Variants in HIVEP2 observed in about 807,000 individuals in gnomAD.
The protein encoded by HIVEP2 is transcription factor HIVEP2.
Under a neutral mutation model 180.7 loss-of-function variants are expected in HIVEP2, and 14 were observed. The ratio of observed to expected loss-of-function variants is 0.08; its 90% CI spans 0.05 to 0.12. The LOEUF is 0.12. Ranked by LOEUF, HIVEP2 falls within the 10% of genes least tolerant of loss-of-function variation. The pLI is 1.00. For synonymous variants in HIVEP2, 1,184 were observed against 1,136.4 expected (o/e 1.04, Z -0.84); for missense variants, 2,579 against 3,008.5 (o/e 0.86, Z 3.34).
intron 9 of HIVEP2, among the ~76,000 whole-genome samples, chr6:142,758,677 G>A (rs955548996): frequency 3.3e-5 from 5 of 151,980 alleles, no homozygotes; most frequent in Non-Finnish European, 7.4e-5. Flanking sequence ...CTACTGAGCC[G>A]TGGAATTAGG....
Position 142,774,433 on chromosome 6 carries a change from C to A in HIVEP2, c.306G>T (p.Gln102His), listed in dbSNP as rs757891258. The change falls in exon 5 of 10, where the codon CAG becomes CAT. Residue 102 changes from glutamine to histidine, a missense_variant. By Grantham distance (24) the Gln-to-His change is conservative (BLOSUM62 0). Transcript: ENST00000367603. The surrounding 1 kb of genome is among the most constrained non-coding windows in gnomAD (Gnocchi z 5.1). ...YSCQHSLSFP[Q>H]HSLPQGVMHS... ...GCATGACCCCCTGTGGCAATGAGTG[C>A]TGAGGGAAAGAGAGTGAGTGTTGGC... The A allele has an allele frequency of 6.2e-7, 1 of 1,614,132 alleles. No individual in the cohort carries two copies. The highest frequency in any genetic ancestry group is 1.1e-5 in the South Asian group (1 of 91,080).
intron 9 of HIVEP2, among the ~76,000 whole-genome samples, chr6:142,754,243 A>G (rs1051143090): frequency 2.6e-5 from 4 of 151,922 alleles, no homozygotes; most frequent in Non-Finnish European, 5.9e-5. Context: ...CACAAGAGAT[A>G]ATGAAAAGAA....
Position 142,753,724 on chromosome 6 carries a change from G to T in HIVEP2, c.6724C>A (p.Pro2242Thr). 1 of 1,614,182 alleles carries T rather than the reference G, an allele frequency of 6.2e-7. No homozygotes were observed. Among genetic ancestry groups the T allele is most frequent in the East Asian group, 2.2e-5 (1 of 44,878 alleles). The change falls in exon 10 of 10, where the codon CCA becomes ACA. Residue 2242 changes from proline (P) to threonine (T), a missense_variant. Transcript: ENST00000367603. ...GAAGGATGTAAACTGGAAAGGGCTG[G>T]CGGCATGGAGTGAACCATCTGGATC... ...GGIQMVHSMP[P>T]ALSSLHPSPT...
intron 5 of HIVEP2, among the ~76,000 whole-genome samples, chr6:142,769,207 C>A (rs541869055): frequency 1.3e-5 from 2 of 152,236 alleles, no homozygotes; most frequent in Admixed American, 6.5e-5. Flanking sequence ...GAATTCCTCA[C>A]ATCCAGAGAA....
intron 1 of HIVEP2, among the ~76,000 whole-genome samples, chr6:142,889,369 G>A (rs1266851444): frequency 6.6e-6 from 1 of 151,980 alleles, no homozygotes; most frequent in African/African-American, 2.4e-5. Flanking sequence ...AAGCAGAGGC[G>A]GTAAGATCAC....
In HIVEP2 at chr6:142,945,114, CGCCG is replaced by C. The variant is rs1476896112; in HGVS notation, c.-660_-657del. ...CCCCCGCTACCTGACAACGGGCCGC[CGCCG>C]GCCGCCGCAGCCGCAGCGGTGGCCG... On this transcript the variant is annotated 5_prime_UTR_variant, in exon 1 of 10. It removes the in-frame stop codon of an upstream open reading frame in the 5' UTR. Coordinates refer to ENST00000367603, the MANE Select transcript of HIVEP2 (RefSeq NM_006734.4). The surrounding 1 kb of genome is among the most constrained non-coding windows in gnomAD (Gnocchi z 5.5). 1.3e-5 allele frequency: 2 copies of C among 148,196 alleles called. No individual in the cohort carries two copies. Among genetic ancestry groups the C allele is most frequent in the African/African-American group, 2.4e-5 (1 of 40,938 alleles). 9.2% of individuals were successfully genotyped at this position (148,196 alleles called of 1,614,324 possible).
Position 142,769,720 on chromosome 6 carries a change from C to G in HIVEP2, c.5019G>C (p.Trp1673Cys). ...ATFKSSVYAS[W>C]CISSCNPNPS... ...GGTTTGGATTACAGGAACTAATGCA[C>G]CATGAAGCATAAACCGAGGATTTGA... The change falls in exon 5 of 10, where the codon TGG becomes TGC. Residue 1673 changes from tryptophan to cysteine, a missense_variant. This residue lies in a region of HIVEP2 where 349 missense variants were observed against 367.2 expected (regional missense o/e 0.95). Transcript: ENST00000367603. The G allele has an allele frequency of 6.2e-7, 1 of 1,614,174 alleles. No homozygotes were observed. The highest frequency in any genetic ancestry group is 8.5e-7 in the Non-Finnish European group (1 of 1,180,032).
chr6:142,860,663 G>T (rs1315237554), intron 1 of HIVEP2, among the ~76,000 whole-genome samples: 1 of 152,174 alleles, frequency 6.6e-6, no homozygotes, highest in Non-Finnish European at 1.5e-5. Flanking sequence ...TCACAATAGG[G>T]TTCACGCTTC....
intron 1 of HIVEP2, among the ~76,000 whole-genome samples, chr6:142,925,761 A>C (rs983219761): frequency 1.3e-5 from 2 of 152,230 alleles, no homozygotes; most frequent in African/African-American, 4.8e-5. Context: ...AGTTTAACTT[A>C]AACATGTAAA....
At chr6:142,892,873 T>G (rs1776894135) in intron 1 of HIVEP2, among the ~76,000 whole-genome samples, 1 of 152,146 alleles carries the variant, frequency 6.6e-6, no homozygotes, top group African/African-American at 2.4e-5. Flanking sequence ...ATCATCCCAC[T>G]TAAATGCTCG....
intron 1 of HIVEP2, among the ~76,000 whole-genome samples, chr6:142,859,868 GAAAAAGAAA>G (rs1225782040): frequency 1.0e-3 from 136 of 132,336 alleles, no homozygotes; most frequent in African/African-American, 3.0e-3. Context: ...AAGAAAGAAA[GAAAAAGAAA>G]AAAAAGAAAA....
At position 142,770,628 on chromosome 6, in the gene HIVEP2, C is replaced by T; in HGVS notation, c.4111G>A (p.Glu1371Lys). 1 of 1,614,238 alleles carries T rather than the reference C, an allele frequency of 6.2e-7. No individual in the cohort carries two copies. The highest frequency in any genetic ancestry group is 8.5e-7 in the Non-Finnish European group (1 of 1,180,040). ...SPAIVICKVD[E>K]NMTQRTLVTN... ...ACCAGTGTCCTTTGGGTCATATTCT[C>T]ATCGACTTTGCATATGACAATGGCA... The change falls in exon 5 of 10, where the codon GAG becomes AAG. Residue 1371 changes from glutamate to lysine, a missense_variant. Glu to Lys is a moderately conservative substitution (Grantham distance 56). This residue lies in a region of HIVEP2 where 523 missense variants were observed against 577.0 expected (regional missense o/e 0.91). Coordinates refer to ENST00000367603, the MANE Select transcript of HIVEP2 (RefSeq NM_006734.4). This position sits in a 1 kb window ranked among gnomAD's most constrained non-coding sequence, Gnocchi z 4.7.
chr6:142,830,311 T>C (rs1443795384), intron 2 of HIVEP2, among the ~76,000 whole-genome samples: 2 of 152,144 alleles, frequency 1.3e-5, no homozygotes, highest in Admixed American at 6.5e-5. Context: ...TGTTCCAGCC[T>C]GCCAAAAAAT....
At chr6:142,874,658 G>A (rs964861319) in intron 1 of HIVEP2, among the ~76,000 whole-genome samples, 1 of 152,070 alleles carries the variant, frequency 6.6e-6, no homozygotes, top group African/African-American at 2.4e-5. Context: ...AGAGAAGAAG[G>A]AAAATTATTG....
intron 2 of HIVEP2, among the ~76,000 whole-genome samples, chr6:142,822,392 G>A (rs1034819853): frequency 2.6e-5 from 4 of 152,152 alleles, no homozygotes; most frequent in African/African-American, 7.2e-5. Context: ...AAGATATAGT[G>A]CAGGTCTAAT....
intron 3 of HIVEP2, among the ~76,000 whole-genome samples, chr6:142,781,524 C>T (rs1775860328): frequency 6.6e-6 from 1 of 152,144 alleles, no homozygotes; most frequent in Non-Finnish European, 1.5e-5. Flanking sequence ...CTACAGCCCA[C>T]AGGAGTCCTC....
chr6:142,808,608 AG>A (rs1268971094), intron 2 of HIVEP2, among the ~76,000 whole-genome samples: 1 of 142,292 alleles, frequency 7.0e-6, no homozygotes, highest in Non-Finnish European at 1.5e-5. Flanking sequence ...AGGGATGGAC[AG>A]ATAGAGGGAA....
intron 1 of HIVEP2, among the ~76,000 whole-genome samples, chr6:142,937,481 A>C (rs750501852): frequency 2.0e-4 from 30 of 152,120 alleles, no homozygotes; most frequent in Non-Finnish European, 4.0e-4. Flanking sequence ...AACCTCAGGG[A>C]GGTTAAGTAA....
intron 7 of HIVEP2, among the ~76,000 whole-genome samples, chr6:142,763,331 T>A (rs1775300062): frequency 6.6e-6 from 1 of 152,162 alleles, no homozygotes; most frequent in Non-Finnish European, 1.5e-5. Context: ...GGGCGTTCCA[T>A]CTGTGCTCAG....
Sources: gnomAD v4.1 joint callset for allele counts (sites outside exome capture counted in the v4.1 genomes callset) on GRCh38, gnomAD v4.1.1 for gene constraint, gnomAD v4.1.1 regional missense constraint, Gnocchi (gnomAD v3.1) non-coding constraint, MANE v1.5 for transcripts, NCBI Gene and HGNC (gene_info 2026-07-23, HGNC 2026-07-21) for gene names.